Variants in SETX observed in about 807,000 individuals in gnomAD.
The protein encoded by SETX is senataxin.
In SETX, 90 loss-of-function variants were observed where a neutral mutation model predicts 227.2. The observed-to-expected ratio is 0.40, with a 90% CI of 0.33 to 0.47. The LOEUF (loss-of-function observed/expected upper bound fraction) is 0.47, where lower values mean the gene tolerates loss of function less well. SETX is among the 20% of genes least tolerant of loss of function. The probability of loss-of-function intolerance (pLI) is 0.91; values close to 1 mark genes in which losing one functional copy is unlikely to be tolerated. For synonymous variants in SETX, 1,210 were observed against 1,113.2 expected (o/e 1.09, Z -1.73); for missense variants, 3,052 against 3,181.5 (o/e 0.96, Z 0.98).
In SETX at chr9:132,288,566, T is replaced by C. The variant is rs972092712; in HGVS notation, c.6192A>G (p.Gln2064=). 1 of 1,613,126 alleles carries C rather than the reference T, an allele frequency of 6.2e-7. No homozygotes were observed. Among genetic ancestry groups the C allele is most frequent in the African/African-American group, 1.3e-5 (1 of 74,896 alleles). ...SEVLKFSLDS[Q]VNHRMKKELP... ...AGTACTTACTCATTCTGTGGTTTAC[T>C]TGGCTGTCCAAACTGAACTTTAGAA... The change falls in exon 16 of 26, where the codon CAA becomes CAG. Residue 2064 remains glutamine, a synonymous_variant. Transcript: ENST00000224140.
intron 13 of SETX, among the ~76,000 whole-genome samples, 156 bp downstream of exon 13, chr9:132,297,924 A>C (rs1206703114): frequency 6.6e-6 from 1 of 152,200 alleles, no homozygotes; most frequent in Non-Finnish European, 1.5e-5. Flanking sequence ...GACTTAACCT[A>C]AATTACATAC....
chr9:132,274,129 T>C (rs549850024), intron 23 of SETX, among the ~76,000 whole-genome samples: 1 of 152,320 alleles, frequency 6.6e-6, no homozygotes, highest in Admixed American at 6.5e-5. Flanking sequence ...TAAATCCCAC[T>C]TGGTCTTGAT....
At chr9:132,269,284 A>T in intron 25 of SETX, 1 of 621,464 alleles carries the variant, frequency 1.6e-6, no homozygotes, top group Non-Finnish European at 2.4e-6. Context: ...AATAACAGCC[A>T]CATTTACTGA....
intron 5 of SETX, among the ~76,000 whole-genome samples, chr9:132,340,563 C>A (rs989196504): frequency 6.6e-6 from 1 of 151,904 alleles, no homozygotes; most frequent in Non-Finnish European, 1.5e-5. Context: ...CTCACTGCCA[C>A]GCATTTTAGT....
In SETX at chr9:132,329,442, G is replaced by A. The variant is rs749335880; in HGVS notation, c.2156C>T (p.Ser719Phe). 1 of 1,613,324 alleles carries A rather than the reference G, an allele frequency of 6.2e-7. No homozygotes were observed. Among genetic ancestry groups the A allele is most frequent in the Non-Finnish European group, 8.5e-7 (1 of 1,179,912 alleles). The change falls in exon 10 of 26, where the codon TCT becomes TTT. Residue 719 changes from serine (S) to phenylalanine (F), a missense_variant. Ser to Phe is a radical substitution (Grantham distance 155). Around this residue, in one of 10 missense-constraint regions of SETX, gnomAD observed 1,483 missense variants for 1,312.0 expected, o/e 1.13. Transcript: ENST00000224140. ...AGTACAGTCCTTTGGTGTATATGAA[G>A]AGATCTCTTTTACAGACTTCTGCTT... ...TRKQKSVKEISSYTPKDCTSR... is the reference protein window; with the variant it reads ...TRKQKSVKEIFSYTPKDCTSR...
At chr9:132,319,545 ATC>A (rs1846199318) in intron 10 of SETX, among the ~76,000 whole-genome samples, 1 of 152,134 alleles carries the variant, frequency 6.6e-6, no homozygotes, top group Non-Finnish European at 1.5e-5. Context: ...TACCAGCCTA[ATC>A]TCTTTCTTCG....
chr9:132,349,472 A>G (rs1393996760), intron 2 of SETX, 37 bp from the exon 3 acceptor site: 1 of 1,597,024 alleles, frequency 6.3e-7, no homozygotes, highest in Admixed American at 1.7e-5. Flanking sequence ...AAGAAAACCA[A>G]CTTCAGACCT....
At chr9:132,272,485 AAGAGAG>A (rs56745764) in intron 23 of SETX, among the ~76,000 whole-genome samples, 1 of 150,904 alleles carries the variant, frequency 6.6e-6, no homozygotes, top group Non-Finnish European at 1.5e-5. Flanking sequence ...TAAAAAAAAA[AAGAGAG>A]AGAGAGAGAG....
In SETX at chr9:132,327,211, C is replaced by A; in HGVS notation, c.4387G>T (p.Asp1463Tyr). 2 of 1,614,232 alleles carry A rather than the reference C, an allele frequency of 1.2e-6. No homozygotes were observed. Among genetic ancestry groups the A allele is most frequent in the Non-Finnish European group, 1.7e-6 (2 of 1,180,040 alleles). Reference protein sequence around the residue: ...TNEVIVSTSEDPLGGGDPTAR... With the variant: ...TNEVIVSTSEYPLGGGDPTAR... ...GTTGGATCACCTCCACCCAGAGGGT[C>A]TTCTGAAGTGGAGACAATTACTTCA... The change falls in exon 10 of 26, where the codon GAC (aspartate) becomes TAC (tyrosine). Residue 1463 changes from aspartate to tyrosine, a missense_variant. Physicochemically the swap from Asp to Tyr is radical, Grantham distance 160. Transcript: ENST00000224140.
chr9:132,328,548 G>A lies in SETX; in HGVS notation c.3050C>T (p.Ser1017Leu). 6.2e-7 allele frequency: 1 copy of A among 1,613,952 alleles called. No individual in the cohort carries two copies. Among genetic ancestry groups the A allele is most frequent in the Non-Finnish European group, 8.5e-7 (1 of 1,180,004 alleles). The change falls in exon 10 of 26, where the codon TCA (serine) becomes TTA (leucine). Residue 1017 changes from serine (S) to leucine (L), a missense_variant. By Grantham distance (145) the Ser-to-Leu change is moderately radical (BLOSUM62 -2). This residue lies in a region of SETX where 1,483 missense variants were observed against 1,312.0 expected (regional missense o/e 1.13). Coordinates refer to ENST00000224140, the MANE Select transcript of SETX (RefSeq NM_015046.7). ...TTCATCATCATCATCATCAGAATCTGAAATAATAATAACCTGTCCACGGGA... is the reference window on the plus strand; with the variant it reads ...TTCATCATCATCATCATCAGAATCTAAAATAATAATAACCTGTCCACGGGA... ...DTSRGQVIII[S>L]DSDDDDDERI... is the part of the protein sequence containing the mutation.
rs373571937 is a variant in SETX, at chr9:132,300,641, C to T, written c.5537G>A (p.Arg1846His). 59 of 1,613,354 alleles carry T rather than the reference C, an allele frequency of 3.7e-5. No individual in the cohort carries two copies. The highest frequency in any genetic ancestry group is 6.7e-5 in the African/African-American group (5 of 74,854). The change falls in exon 12 of 26, where the codon CGC becomes CAC. Residue 1846 changes from arginine (R) to histidine (H), a missense_variant. Transcript: ENST00000224140. ...CATTATTTACTTACTGACTGACGTG[C>T]GGCGAAATTTATGAACATAACCAGA... is the stretch of plus-strand genomic sequence containing the variant. ...YHSGYVHKFR[R>H]TSVMRNGKTE...
At position 132,281,455 on chromosome 9, in the gene SETX, TAA is replaced by T; in HGVS notation, c.6654+10_6654+11del. On this transcript the variant is annotated intron_variant, in intron 20 of 25. Coordinates refer to ENST00000224140, the MANE Select transcript of SETX (RefSeq NM_015046.7). ...CTTCCATTTTAAAGCAATCTGAACATAAAAAACTTACCATAGAGATGACTGTC... is the reference window on the plus strand; with the variant it reads ...CTTCCATTTTAAAGCAATCTGAACATAAAACTTACCATAGAGATGACTGTC... The T allele has an allele frequency of 6.3e-7, 1 of 1,597,884 alleles. No homozygotes were observed. Among genetic ancestry groups the T allele is most frequent in the Non-Finnish European group, 8.6e-7 (1 of 1,165,336 alleles).
At chr9:132,347,953 AATT>A (rs1848382668) in intron 3 of SETX, among the ~76,000 whole-genome samples, 1 of 152,094 alleles carries the variant, frequency 6.6e-6, no homozygotes, top group South Asian at 2.1e-4. Context: ...AAATATTTAG[AATT>A]ATATCTTTCA....
chr9:132,349,727 A>G (rs1477759386), intron 2 of SETX, among the ~76,000 whole-genome samples: 1 of 152,252 alleles, frequency 6.6e-6, no homozygotes, highest in African/African-American at 2.4e-5. Flanking sequence ...GTACCGATAG[A>G]AAATATATAG....
intron 15 of SETX, among the ~76,000 whole-genome samples, chr9:132,289,063 C>T (rs1045463048): frequency 5.3e-5 from 8 of 152,136 alleles, no homozygotes; most frequent in African/African-American, 1.9e-4. Flanking sequence ...CTGCATAAAC[C>T]AGCCATAAAA....
chr9:132,294,657 A>G (rs760841867), intron 15 of SETX, among the ~76,000 whole-genome samples: 6 of 152,222 alleles, frequency 3.9e-5, no homozygotes, highest in Admixed American at 2.0e-4. Flanking sequence ...CAGAGGCGCT[A>G]TTGGCAGGAC....
chr9:132,266,792 A>G, intron 25 of SETX, among the ~76,000 whole-genome samples: 1 of 152,096 alleles, frequency 6.6e-6, no homozygotes, highest in East Asian at 1.9e-4. Context: ...CCCCAAAAAA[A>G]CCTTATACAC....
At chr9:132,337,572 TGGAAAAACACAG>T (rs1847705762) in intron 5 of SETX, among the ~76,000 whole-genome samples, 2 of 152,158 alleles carry the variant, frequency 1.3e-5, no homozygotes, top group African/African-American at 4.8e-5. Flanking sequence ...ATCAAAAAGT[TGGAAAAACACAG>T]ACCCCACAGG....
intron 22 of SETX, among the ~76,000 whole-genome samples, chr9:132,276,528 C>A (rs1843171346): frequency 6.6e-6 from 1 of 152,202 alleles, no homozygotes. Context: ...AATGCTGCCC[C>A]TAGACCATTC....
Sources: gnomAD v4.1 joint callset for allele counts (sites outside exome capture counted in the v4.1 genomes callset) on GRCh38, gnomAD v4.1.1 for gene constraint, gnomAD v4.1.1 regional missense constraint, MANE v1.5 for transcripts, NCBI Gene and HGNC (gene_info 2026-07-23, HGNC 2026-07-21) for gene names.